Variants in TCERG1L observed in about 807,000 individuals in gnomAD.
TCERG1L encodes transcription elongation regulator 1-like protein.
A neutral mutation model predicts 56.3 loss-of-function variants in TCERG1L; 37 were observed. That is an observed-to-expected ratio of 0.66 (90% CI 0.51 to 0.87). The LOEUF is 0.87. Among genes scored for constraint, TCERG1L ranks in the 40% least tolerant of loss-of-function variants. The pLI, the probability that TCERG1L is intolerant of heterozygous loss-of-function variation, is 0.00. For synonymous variants in TCERG1L, 324 were observed against 326.3 expected (o/e 0.99, Z 0.08); for missense variants, 799 against 774.2 (o/e 1.03, Z -0.38).
At chr10:131,166,942 C>T in intron 4 of TCERG1L, 57 bp from the exon 5 acceptor site, 1 of 1,513,372 alleles carries the variant, frequency 6.6e-7, no homozygotes, top group Non-Finnish European at 9.0e-7. Flanking sequence ...GTTTGGAAAA[C>T]CTAAGCAATC....
intron 4 of TCERG1L, among the ~76,000 whole-genome samples, chr10:131,243,758 A>G (rs1377255411): frequency 1.3e-5 from 2 of 152,212 alleles, no homozygotes; most frequent in Non-Finnish European, 2.9e-5. Context: ...ACCAGGCAAA[A>G]TGGCAGATGA....
At chr10:131,125,432 G>A (rs184035464) in intron 8 of TCERG1L, among the ~76,000 whole-genome samples, 5 of 152,228 alleles carry the variant, frequency 3.3e-5, no homozygotes, top group Non-Finnish European at 7.3e-5. Flanking sequence ...TAAATCTGGT[G>A]TTAGACACAA....
Position 131,260,340 on chromosome 10 carries a change from G to A in TCERG1L, c.775C>T (p.Pro259Ser), listed in dbSNP as rs372812956. Residue 259 changes from proline (P) to serine (S), a missense_variant, in exon 4 of 12, where the codon CCG (proline) becomes TCG (serine). Transcript: ENST00000368642. This position sits in a 1 kb window ranked among gnomAD's most constrained non-coding sequence, Gnocchi z 5.8. ...CGCGGCTGCACGCTGGAGGGGGACG[G>A]GCCCCGGAGGTTCTCAGGGTCCACG... The part of the protein sequence containing the change: ...VSVDPENLRG[P>S]SPSSVQPRHF... The A allele has an allele frequency of 5.4e-6, 8 of 1,478,070 alleles. No individual in the cohort carries two copies. The East Asian group carries it at 1.1e-4, about 20-fold the overall frequency. The allele number at this position is 1,478,070 out of a possible 1,614,324, so 91.6% of individuals were successfully genotyped here. A position where few individuals can be genotyped will look rare whatever the true frequency, so the allele number is the denominator to read the frequency against.
intron 4 of TCERG1L, among the ~76,000 whole-genome samples, chr10:131,211,005 G>A (rs547927157): frequency 2.3e-4 from 35 of 152,286 alleles, no homozygotes; most frequent in South Asian, 1.0e-3. Flanking sequence ...AAAATCAAAC[G>A]TCTAAGGACA....
intron 7 of TCERG1L, among the ~76,000 whole-genome samples, chr10:131,136,951 C>T (rs537322665): frequency 1.3e-5 from 2 of 151,538 alleles, no homozygotes; most frequent in African/African-American, 4.8e-5. Context: ...ACCAGCCTGG[C>T]CAACATGGTG....
chr10:131,250,937 G>A (rs1223531572), intron 4 of TCERG1L, among the ~76,000 whole-genome samples: 10 of 152,056 alleles, frequency 6.6e-5, no homozygotes, highest in African/African-American at 2.4e-4. Context: ...CCTTCCCTCT[G>A]CAGCTCTCTC....
intron 3 of TCERG1L, among the ~76,000 whole-genome samples, chr10:131,268,256 T>G (rs79964860): frequency 0.11 from 17,012 of 152,208 alleles, 1,300 homozygotes; most frequent in African/African-American, 0.22. Flanking sequence ...TTCATAATAT[T>G]TTGATAGGAA....
chr10:131,257,598 A>G (rs1445225392), intron 4 of TCERG1L, among the ~76,000 whole-genome samples: 1 of 152,110 alleles, frequency 6.6e-6, no homozygotes, highest in Non-Finnish European at 1.5e-5. Flanking sequence ...TAATAATACA[A>G]ACCCAGGTTT....
At chr10:131,231,982 G>A (rs1732971719) in intron 4 of TCERG1L, among the ~76,000 whole-genome samples, 2 of 152,154 alleles carry the variant, frequency 1.3e-5, no homozygotes, top group South Asian at 2.1e-4. Context: ...GTGAACAATG[G>A]CAGAAATGGC....
At chr10:131,156,193 T>C (rs1845919092) in intron 6 of TCERG1L, 4 of 152,198 alleles carry the variant, frequency 2.6e-5, no homozygotes, top group African/African-American at 4.8e-5. Context: ...TATCATGTCT[T>C]GGGAAACTTT....
intron 6 of TCERG1L, chr10:131,160,785 G>A (rs1446702251): frequency 3.9e-5 from 6 of 152,272 alleles, no homozygotes; most frequent in Admixed American, 2.6e-4. Context: ...AGCAGCCAGG[G>A]AACCGTTTTC....
At chr10:131,122,826 G>T (rs552097850) in intron 8 of TCERG1L, among the ~76,000 whole-genome samples, 1 of 152,288 alleles carries the variant, frequency 6.6e-6, no homozygotes, top group Admixed American at 6.5e-5. Flanking sequence ...CCTTCTTGGG[G>T]CTGAGCCCTT....
At chr10:131,218,637 T>G (rs1352070565) in intron 4 of TCERG1L, among the ~76,000 whole-genome samples, 1 of 152,184 alleles carries the variant, frequency 6.6e-6, no homozygotes, top group Non-Finnish European at 1.5e-5. Flanking sequence ...GGGATTACAG[T>G]GCACCTGCTG....
chr10:131,223,334 C>CA (rs1845755933), intron 4 of TCERG1L, among the ~76,000 whole-genome samples: 1 of 152,210 alleles, frequency 6.6e-6, no homozygotes, highest in African/African-American at 2.4e-5. Context: ...GATGGGACCG[C>CA]ATGCTCCGCT....
intron 4 of TCERG1L, among the ~76,000 whole-genome samples, chr10:131,197,436 C>A (rs1476539842): frequency 6.6e-6 from 1 of 152,128 alleles, no homozygotes; most frequent in East Asian, 1.9e-4. Context: ...CCTCCTGCCT[C>A]GGCCTCCCAA....
chr10:131,283,478 A>T (rs548769568), intron 3 of TCERG1L, among the ~76,000 whole-genome samples: 2 of 152,302 alleles, frequency 1.3e-5, no homozygotes, highest in South Asian at 4.1e-4. Flanking sequence ...AGGAAATGAT[A>T]AGCTCAAAGT....
intron 4 of TCERG1L, among the ~76,000 whole-genome samples, chr10:131,186,174 A>T (rs1845243393): frequency 6.6e-6 from 1 of 152,192 alleles, no homozygotes; most frequent in Admixed American, 6.5e-5. Context: ...TAGAGACAGA[A>T]AGCAGGTTGG....
chr10:131,230,434 C>A (rs903321834), intron 4 of TCERG1L, among the ~76,000 whole-genome samples: 1 of 152,200 alleles, frequency 6.6e-6, no homozygotes, highest in Non-Finnish European at 1.5e-5. Flanking sequence ...CCAGAGGGCA[C>A]CGGCTGAAGC....
chr10:131,148,654 C>T (rs949833403), intron 6 of TCERG1L, among the ~76,000 whole-genome samples: 6 of 116,528 alleles, frequency 5.1e-5, no homozygotes, highest in African/African-American at 8.3e-5. Context: ...AGACAGAGAT[C>T]GGGAGATGCC....
Sources: allele counts gnomAD v4.1 joint callset (sites outside exome capture counted in the v4.1 genomes callset), GRCh38; gene constraint gnomAD v4.1.1; non-coding constraint Gnocchi (gnomAD v3.1); transcripts MANE v1.5; gene names NCBI Gene and HGNC (gene_info 2026-07-23, HGNC 2026-07-21).